SMARCC1: variants seen among roughly 807,000 people sequenced by gnomAD.
SMARCC1 encodes SWI/SNF complex subunit SMARCC1.
A neutral mutation model predicts 147.4 loss-of-function variants in SMARCC1; 43 were observed. The ratio of observed to expected loss-of-function variants is 0.29; its 90% CI spans 0.23 to 0.38. The LOEUF (loss-of-function observed/expected upper bound fraction) is 0.38. Ranked by LOEUF, SMARCC1 falls within the 10% of genes least tolerant of loss-of-function variation. The pLI, the probability that SMARCC1 is intolerant of heterozygous loss-of-function variation, is 1.00. For missense variants in SMARCC1, 1,119 were observed against 1,381.1 expected, an observed-to-expected ratio of 0.81 and a Z score of 3.01; for synonymous variants, 495 against 484.4, an observed-to-expected ratio of 1.02 and a Z score of -0.29.
In SMARCC1 at chr3:47,662,576, T is replaced by G; in HGVS notation, c.1916A>C (p.Lys639Thr). 6.2e-7 allele frequency: 1 copy of G among 1,614,018 alleles called. No individual in the cohort carries two copies. The highest frequency in any genetic ancestry group is 8.5e-7 in the Non-Finnish European group (1 of 1,179,896). ...LLLLEALEMY[K>T]DDWNKVSEHV... ...TTCCGACACTTTGTTCCAATCATCCTTGTACATCTCCAGGGCCTAAGACAG... is the reference window on the plus strand; with the variant it reads ...TTCCGACACTTTGTTCCAATCATCCGTGTACATCTCCAGGGCCTAAGACAG... The change falls in exon 20 of 28, where the codon AAG (lysine) becomes ACG (threonine). Residue 639 changes from lysine (K) to threonine (T), a missense_variant. Coordinates refer to ENST00000254480, the MANE Select transcript of SMARCC1 (RefSeq NM_003074.4).
In SMARCC1 at chr3:47,587,846, A is replaced by G. The variant is rs532264582; in HGVS notation, c.*363T>C. The G allele has an allele frequency of 2.1e-5, 5 of 235,504 alleles. No homozygotes were observed. The highest frequency in any genetic ancestry group is 4.7e-5 in the African/African-American group (2 of 42,986). The allele number at this position is 235,504 out of a possible 1,614,324, so 14.6% of individuals were successfully genotyped here. On this transcript the variant is annotated 3_prime_UTR_variant, in exon 28 of 28. Coordinates refer to ENST00000254480, the MANE Select transcript of SMARCC1 (RefSeq NM_003074.4). ...ATTATATAGCATTATCCATAGAAGC[A>G]TAAGACAAAGCAAAAAACTGCAAGA...
intron 12 of SMARCC1, among the ~76,000 whole-genome samples, chr3:47,690,358 G>A (rs977602199): frequency 2.0e-5 from 3 of 152,110 alleles, no homozygotes; most frequent in Non-Finnish European, 4.4e-5. Context: ...GAGAGGAAGT[G>A]GGTAGGTGGA....
At chr3:47,756,981 T>C (rs991078690) in intron 2 of SMARCC1, among the ~76,000 whole-genome samples, 15 of 152,114 alleles carry the variant, frequency 9.9e-5, no homozygotes, top group African/African-American at 3.4e-4. Context: ...CCAGGTATGG[T>C]GACTCACGCC....
At chr3:47,733,629 G>A (rs1054851412) in intron 5 of SMARCC1, among the ~76,000 whole-genome samples, 2 of 151,818 alleles carry the variant, frequency 1.3e-5, no homozygotes, top group African/African-American at 2.4e-5. Flanking sequence ...GCTCATGCCC[G>A]TAATCCCAGC....
rs2033765489 is a variant in SMARCC1 at position 47,689,404 on chromosome 3, C to T, written c.1246G>A (p.Val416Ile). ...ATTGTTACCTTTCCTCCTGCTGTGA[C>T]TGTTTCTTCATCCTGCTCATCTGCA... is the stretch of plus-strand genomic sequence containing the variant. ...ADLDEQDEET[V>I]TAGGKEDEDP... Residue 416 changes from valine (V) to isoleucine (I), a missense_variant, in exon 13 of 28, where the codon GTC (valine) becomes ATC (isoleucine). Transcript: ENST00000254480. The T allele has an allele frequency of 1.9e-6, 3 of 1,613,344 alleles. No individual in the cohort carries two copies. The Admixed American group carries it at 5.0e-5, about 27-fold the overall frequency.
chr3:47,746,182 C>T, intron 2 of SMARCC1, 189 bp from the exon 3 acceptor site: 2 of 457,912 alleles, frequency 4.4e-6, no homozygotes, highest in East Asian at 3.8e-5. Context: ...GGCATGGTGG[C>T]TCATGCCTGT....
rs189920330 is a variant in SMARCC1, at chr3:47,691,602, G to A, written c.1225+1639C>T. On this transcript the variant is annotated intron_variant, in intron 12 of 27. Coordinates refer to ENST00000254480, the MANE Select transcript of SMARCC1 (RefSeq NM_003074.4). ...GCACTCCAGGCTGGGTGACAAGAGC[G>A]AGACTTTGTCTCAAAACAAAAAACA... Among the ~76,000 whole-genome samples the A allele has an allele frequency of 3.3e-5, 5 of 152,172 alleles. No individual in the cohort carries two copies. The East Asian group carries it at 5.8e-4, about 18-fold the overall frequency.
chr3:47,666,733 AT>A (rs924772960), intron 19 of SMARCC1, among the ~76,000 whole-genome samples: 25 of 150,892 alleles, frequency 1.7e-4, no homozygotes, highest in East Asian at 5.9e-4. Context: ...TTTTGGGGGG[AT>A]TTTTTTTTAA....
chr3:47,661,969 G>C (rs1413383896), intron 20 of SMARCC1, among the ~76,000 whole-genome samples: 1 of 150,662 alleles, frequency 6.6e-6, no homozygotes, highest in Non-Finnish European at 1.5e-5. Context: ...TAATTTTAAG[G>C]TGCATTACTT....
At chr3:47,761,414 C>A (rs2034771721) in intron 2 of SMARCC1, among the ~76,000 whole-genome samples, 1 of 151,272 alleles carries the variant, frequency 6.6e-6, no homozygotes, top group Admixed American at 6.6e-5. Flanking sequence ...TTTGAGACAA[C>A]TGGTGAAATG....
chr3:47,746,066 T>G, intron 2 of SMARCC1, 73 bp from the exon 3 acceptor site: 1 of 950,742 alleles, frequency 1.1e-6, no homozygotes, highest in Non-Finnish European at 1.6e-6. Flanking sequence ...AATTCTAAGT[T>G]TTATAAATTC....
intron 2 of SMARCC1, among the ~76,000 whole-genome samples, chr3:47,755,334 A>T (rs546102765): frequency 2.1e-5 from 3 of 145,188 alleles, no homozygotes; most frequent in African/African-American, 5.2e-5. Flanking sequence ...AACCCTGTCT[A>T]AAAAAAAATA....
At chr3:47,745,261 A>G (rs1295154160) in intron 3 of SMARCC1, among the ~76,000 whole-genome samples, 2 of 152,126 alleles carry the variant, frequency 1.3e-5, no homozygotes, top group Non-Finnish European at 2.9e-5. Flanking sequence ...AGTCTCAAAA[A>G]AACAAAACAA....
At chr3:47,614,736 T>C (rs1442722105) in intron 25 of SMARCC1, among the ~76,000 whole-genome samples, 2 of 152,164 alleles carry the variant, frequency 1.3e-5, no homozygotes, top group Non-Finnish European at 2.9e-5. Context: ...CTTGCTGCCT[T>C]ATAATTTACT....
intron 21 of SMARCC1, 26 bp downstream of exon 21, chr3:47,661,268 G>C: frequency 6.3e-7 from 1 of 1,584,474 alleles, no homozygotes; most frequent in Non-Finnish European, 8.6e-7. Flanking sequence ...TATTAACCCT[G>C]TCCCTTAAAA....
At position 47,765,433 on chromosome 3, in the gene SMARCC1, C is replaced by A. The variant is rs570136097; in HGVS notation, c.315+7384G>T. Among the ~76,000 whole-genome samples, 484 of 151,906 alleles carry A rather than the reference C, an allele frequency of 3.2e-3. 2 individuals are homozygous for A. The highest frequency in any genetic ancestry group is 6.8e-3 in the Middle Eastern group (2 of 294). ...TTTAAGTCAAAATTTATTTTACTCA[C>A]TTTCTATATATTTTACAATAGGAAG... is the stretch of plus-strand genomic sequence containing the variant. On this transcript the variant is annotated intron_variant, in intron 2 of 27. Coordinates refer to ENST00000254480, the MANE Select transcript of SMARCC1 (RefSeq NM_003074.4).
chr3:47,746,215 G>T (rs2034562459), intron 2 of SMARCC1: 6 of 372,346 alleles, frequency 1.6e-5, no homozygotes, highest in Non-Finnish European at 2.4e-5. Context: ...CTGGGAGCGT[G>T]AAACAGGAGG....
Position 47,781,834 on chromosome 3 carries a change from C to A in SMARCC1, c.-37G>T. On this transcript the variant is annotated 5_prime_UTR_variant, in exon 1 of 28. Transcript: ENST00000254480. ...GTCGTCCCCACAGCCTGGCCCACCC[C>A]GGCCCTCGCGGTGTTTCCCGGTCGT... The A allele has an allele frequency of 3.1e-6, 4 of 1,288,628 alleles. No homozygotes were observed. The highest frequency in any genetic ancestry group is 3.9e-6 in the Non-Finnish European group (4 of 1,013,312). The allele number at this position is 1,288,628 out of a possible 1,614,324, so 79.8% of individuals were successfully genotyped here.
intron 19 of SMARCC1, among the ~76,000 whole-genome samples, chr3:47,667,308 A>C (rs2033434544): frequency 8.1e-6 from 1 of 124,194 alleles, no homozygotes. Flanking sequence ...ACAGAGCGAG[A>C]CTCCGTCTCA....
Sources: gnomAD v4.1 joint callset for allele counts (sites outside exome capture counted in the v4.1 genomes callset) on GRCh38, gnomAD v4.1.1 for gene constraint, MANE v1.5 for transcripts, NCBI Gene and HGNC (gene_info 2026-07-23, HGNC 2026-07-21) for gene names.